Variants in FAAH2 observed in about 807,000 individuals in gnomAD.
FAAH2 encodes the protein fatty acid amide hydrolase 2.
Under a neutral mutation model 36.9 loss-of-function variants are expected in FAAH2, and 60 were observed. The ratio of observed to expected loss-of-function variants is 1.63; its 90% confidence interval spans 1.32 to 2.02. The LOEUF (loss-of-function observed/expected upper bound fraction) is 2.02, where lower values mean the gene tolerates loss of function less well. Ranked by LOEUF, FAAH2 falls within the 30% of genes most tolerant of loss-of-function variation. The pLI is 0.00. For missense variants in FAAH2, 689 were observed against 397.5 expected (o/e 1.73, Z -6.23); for synonymous variants, 214 against 143.8 (o/e 1.49, Z -3.49).
At chrX:57,270,567 T>C in the FAAH2 span, among the ~76,000 whole-genome samples, 35 of 111,815 alleles carry the variant, frequency 3.1e-4, no homozygotes, top group African/African-American at 1.1e-3. Flanking sequence ...GAAAAACACC[T>C]GTGTGCAGTT....
At chrX:57,274,650 A>G in the FAAH2 span, among the ~76,000 whole-genome samples, 1 of 112,075 alleles carries the variant, frequency 8.9e-6, no homozygotes, top group East Asian at 2.8e-4. Context: ...ACAAATGAGA[A>G]AAACCACATG....
the FAAH2 span, among the ~76,000 whole-genome samples, chrX:57,218,537 C>T: frequency 8.9e-6 from 1 of 112,087 alleles, no homozygotes; most frequent in East Asian, 2.8e-4. Flanking sequence ...CCCTGCATCC[C>T]TGGTATGAAA....
At chrX:57,171,252 T>C in the FAAH2 span, among the ~76,000 whole-genome samples, 1 of 111,764 alleles carries the variant, frequency 8.9e-6, no homozygotes, top group African/African-American at 3.3e-5. Flanking sequence ...TATAGTGATT[T>C]CTTTTCCTTT....
intron 10 of FAAH2, among the ~76,000 whole-genome samples, chrX:57,449,340 A>C: frequency 9.0e-6 from 1 of 111,502 alleles, no homozygotes; most frequent in South Asian, 3.8e-4. Flanking sequence ...CATCAAATAC[A>C]CGTTCTCACC....
chrX:57,214,530 G>T, the FAAH2 span, among the ~76,000 whole-genome samples: 1 of 111,208 alleles, frequency 9.0e-6, no homozygotes, highest in Non-Finnish European at 1.9e-5. Flanking sequence ...GAGTTCAAGC[G>T]ATTATCCTGC....
Position 57,408,478 on chromosome X carries a change from G to T in FAAH2, c.997-23440G>T, listed in dbSNP as rs183120973. On this transcript the variant is annotated intron_variant, in intron 7 of 10. Transcript: ENST00000374900. ...TTATGTGAAATATTAGGATTTTTACGTATGAGAACATGTCATCTGCAAACA... is the reference window on the plus strand; with the variant it reads ...TTATGTGAAATATTAGGATTTTTACTTATGAGAACATGTCATCTGCAAACA... Among the ~76,000 whole-genome samples, 3 of 110,679 alleles carry T rather than the reference G, an allele frequency of 2.7e-5. No individual in the cohort carries two copies. In the Admixed American group the frequency reaches 2.9e-4, roughly 11 times the overall value.
chrX:57,239,023 T>C, the FAAH2 span, among the ~76,000 whole-genome samples: 1 of 112,497 alleles, frequency 8.9e-6, no homozygotes, highest in Admixed American at 9.4e-5. Flanking sequence ...TGTTTTTCTT[T>C]ATGCCTGCAT....
At chrX:57,245,694 A>G in the FAAH2 span, among the ~76,000 whole-genome samples, 1 of 112,545 alleles carries the variant, frequency 8.9e-6, no homozygotes, top group African/African-American at 3.2e-5. Flanking sequence ...CAAAAACACA[A>G]TGTGGCAGAA....
rs969216726 is a variant in FAAH2, at chrX:57,448,838, T to C, written c.1423+120T>C. 3 of 679,044 alleles carry C rather than the reference T, an allele frequency of 4.4e-6. No individual in the cohort carries two copies. In the African/African-American group the frequency reaches 6.5e-5, roughly 15 times the overall value. 56.0% of individuals were successfully genotyped at this position (679,044 alleles called of 1,213,427 possible). ...TTTAAACATGCAGGTATAAAAGTGC[T>C]GTGTGATTGAAAACTCCAGAAAACA... On this transcript the variant is annotated intron_variant, in intron 10 of 10. Transcript: ENST00000374900.
chrX:57,181,184 G>A, the FAAH2 span, among the ~76,000 whole-genome samples: 1 of 111,145 alleles, frequency 9.0e-6, no homozygotes, highest in East Asian at 2.8e-4. Flanking sequence ...ACTGAATGGG[G>A]AAAAGCTAGA....
At chrX:57,444,745 C>T (rs1372788777) in intron 8 of FAAH2, among the ~76,000 whole-genome samples, 1 of 111,913 alleles carries the variant, frequency 8.9e-6, no homozygotes, top group Admixed American at 9.5e-5. Flanking sequence ...ACCTGTCTTC[C>T]AGCTTACTAA....
intron 8 of FAAH2, among the ~76,000 whole-genome samples, chrX:57,444,317 C>T (rs188066301): frequency 2.7e-5 from 3 of 111,959 alleles, no homozygotes; most frequent in African/African-American, 9.7e-5. Context: ...GGCGGATGCC[C>T]CTCCCCCAGC....
chrX:57,487,611 AAAGGAT>A (rs1288795303), intron 10 of FAAH2, among the ~76,000 whole-genome samples: 1 of 112,288 alleles, frequency 8.9e-6, no homozygotes, highest in African/African-American at 3.2e-5. Flanking sequence ...TTATAAACCA[AAAGGAT>A]AAGGGTTAAT....
At chrX:57,207,799 C>T in the FAAH2 span, among the ~76,000 whole-genome samples, 4 of 112,447 alleles carry the variant, frequency 3.6e-5, no homozygotes, top group Admixed American at 9.4e-5. Context: ...GAACTTTTTG[C>T]GGGGATTCCC....
chrX:57,472,685 C>T (rs2057191927), intron 10 of FAAH2, among the ~76,000 whole-genome samples: 1 of 110,469 alleles, frequency 9.1e-6, no homozygotes, highest in South Asian at 3.8e-4. Context: ...GTATTACTGA[C>T]TAGATTTTTT....
At chrX:57,297,162 A>G (rs929718000) in intron 2 of FAAH2, among the ~76,000 whole-genome samples, 1 of 106,486 alleles carries the variant, frequency 9.4e-6, no homozygotes, top group African/African-American at 3.4e-5. Context: ...CAGATTCACC[A>G]AAGTTGAAAT....
intron 5 of FAAH2, among the ~76,000 whole-genome samples, chrX:57,350,493 G>T (rs2053970719): frequency 9.1e-6 from 1 of 110,059 alleles, no homozygotes; most frequent in African/African-American, 3.3e-5. Flanking sequence ...CAATATGGCA[G>T]GAAGAAAACC....
chrX:57,425,523 C>G (rs186964147), intron 7 of FAAH2, among the ~76,000 whole-genome samples: 1 of 111,821 alleles, frequency 8.9e-6, no homozygotes, highest in African/African-American at 3.2e-5. Context: ...GACTTCTCAA[C>G]AGAAACTTTA....
chrX:57,270,372 T>A, the FAAH2 span, among the ~76,000 whole-genome samples: 1 of 110,720 alleles, frequency 9.0e-6, no homozygotes, highest in Non-Finnish European at 1.9e-5. Context: ...TTCTATGAGG[T>A]CAGCATCATC....
Sources: gnomAD v4.1 joint callset for allele counts (sites outside exome capture counted in the v4.1 genomes callset) on GRCh38, gnomAD v4.1.1 for gene constraint, MANE v1.5 for transcripts, NCBI Gene and HGNC (gene_info 2026-07-23, HGNC 2026-07-21) for gene names.